MAP4K4: variants seen among roughly 807,000 people sequenced by gnomAD.
MAP4K4 encodes the protein HPK/GCK-like kinase HGK.
In MAP4K4, 38 loss-of-function variants were observed where a neutral mutation model predicts 189.6. The observed-to-expected ratio is 0.20, with a 90% CI of 0.15 to 0.26. The LOEUF (loss-of-function observed/expected upper bound fraction) is 0.26, where lower values mean the gene tolerates loss of function less well. Ranked by LOEUF, MAP4K4 falls within the 10% of genes least tolerant of loss-of-function variation. The pLI is 1.00. For synonymous variants in MAP4K4, 610 were observed against 624.3 expected (o/e 0.98, Z 0.34); for missense variants, 1,054 against 1,726.9 (o/e 0.61, Z 6.91).
chr2:101,781,358 C>A (rs1032629638), intron 2 of MAP4K4, among the ~76,000 whole-genome samples: 5 of 152,116 alleles, frequency 3.3e-5, no homozygotes, highest in East Asian at 1.9e-4. Context: ...CTTCCCTCCC[C>A]CTTTGTCTTA....
At chr2:101,828,891 A>G (rs2096484367) in intron 5 of MAP4K4, among the ~76,000 whole-genome samples, 1 of 152,210 alleles carries the variant, frequency 6.6e-6, no homozygotes, top group Non-Finnish European at 1.5e-5. Flanking sequence ...CTCATTCCAG[A>G]TACAAGGTCA....
rs535997281 is a variant in MAP4K4 at position 101,823,895 on chromosome 2, T to C, written c.181-33T>C. 4 of 1,562,908 alleles carry C rather than the reference T, an allele frequency of 2.6e-6. No homozygotes were observed. In the South Asian group the frequency reaches 4.7e-5, roughly 19 times the overall value. ...AAGTAAAGTCATTCACATCGTTCAG[T>C]AGCCACACATTTTATTTTTATTTTT... is the stretch of plus-strand genomic sequence containing the variant. On this transcript the variant is annotated intron_variant, in intron 3 of 32. Coordinates refer to ENST00000324219, the Ensembl canonical transcript of MAP4K4.
At chr2:101,819,407 A>G (rs2095906044) in intron 3 of MAP4K4, among the ~76,000 whole-genome samples, 1 of 152,220 alleles carries the variant, frequency 6.6e-6, no homozygotes. Flanking sequence ...GCCATGGCAG[A>G]TTCTGTATTT....
chr2:101,856,189 T>C, intron 13 of MAP4K4, 51 bp downstream of exon 13: 6 of 1,526,156 alleles, frequency 3.9e-6, no homozygotes, highest in Non-Finnish European at 5.3e-6. Flanking sequence ...TTTGTTACTT[T>C]GCAGAGCTGG....
At chr2:101,825,666 T>C (rs1369485448) in intron 5 of MAP4K4, among the ~76,000 whole-genome samples, 3 of 152,332 alleles carry the variant, frequency 2.0e-5, no homozygotes, top group South Asian at 4.1e-4. Flanking sequence ...GAATTTACTT[T>C]CCATGGCATC....
chr2:101,732,711 C>T (rs1574470677), intron 2 of MAP4K4, among the ~76,000 whole-genome samples: 1 of 152,194 alleles, frequency 6.6e-6, no homozygotes, highest in Non-Finnish European at 1.5e-5. Context: ...GCCTCAGCCT[C>T]CTGAGTAGCT....
intron 7 of MAP4K4, among the ~76,000 whole-genome samples, chr2:101,833,068 T>C (rs1447528571): frequency 2.0e-5 from 3 of 152,142 alleles, no homozygotes; most frequent in Non-Finnish European, 4.4e-5. Context: ...GGCCACTGGG[T>C]TAGGGTAATG....
At chr2:101,756,052 C>G (rs1282237377) in intron 2 of MAP4K4, among the ~76,000 whole-genome samples, 2 of 151,310 alleles carry the variant, frequency 1.3e-5, no homozygotes, top group East Asian at 3.9e-4. Context: ...ACCATTCTCC[C>G]GCCTCAGCCT....
chr2:101,875,518 C>T (rs2098175663), intron 26 of MAP4K4, among the ~76,000 whole-genome samples: 1 of 152,134 alleles, frequency 6.6e-6, no homozygotes, highest in African/African-American at 2.4e-5. Flanking sequence ...GCGTTGTTCT[C>T]TCAATGCCGT....
intron 2 of MAP4K4, among the ~76,000 whole-genome samples, chr2:101,702,260 A>G (rs2039267871): frequency 1.3e-5 from 2 of 152,146 alleles, no homozygotes; most frequent in South Asian, 4.1e-4. Context: ...CTGGTGTTCC[A>G]AATGTCTTGA....
chr2:101,851,180 G>T (rs894872232), intron 12 of MAP4K4, among the ~76,000 whole-genome samples: 1 of 152,152 alleles, frequency 6.6e-6, no homozygotes, highest in Non-Finnish European at 1.5e-5. Context: ...ATTTACTTAG[G>T]CACGCTTGGG....
chr2:101,874,262 T>G lies in MAP4K4; in HGVS notation c.3241+10T>G. 1 of 1,600,194 alleles carries G rather than the reference T, an allele frequency of 6.2e-7. No individual in the cohort carries two copies. Among genetic ancestry groups the G allele is most frequent in the Middle Eastern group, 1.7e-4 (1 of 6,030 alleles). The stretch of plus-strand genomic sequence containing the variant: ...TGTGCTGCCTTATGGGGTAGGTGTC[T>G]AGCCACTACTCCAACACTTTCATTT... On this transcript the variant is annotated intron_variant, in intron 26 of 32. Transcript: ENST00000324219.
chr2:101,773,727 C>T (rs868189204), intron 2 of MAP4K4, among the ~76,000 whole-genome samples: 32 of 152,180 alleles, frequency 2.1e-4, no homozygotes, highest in Non-Finnish European at 4.1e-4. Context: ...ACTAACCCCC[C>T]TCCCCAACCA....
chr2:101,802,001 C>T (rs1302944739), intron 3 of MAP4K4, among the ~76,000 whole-genome samples: 2 of 152,170 alleles, frequency 1.3e-5, no homozygotes, highest in African/African-American at 2.4e-5. Flanking sequence ...ATTGGTTCTG[C>T]CTTCAAACTA....
chr2:101,736,828 C>T lies in MAP4K4; in HGVS notation c.123+38290C>T, dbSNP rs544104466. 1.3e-4 allele frequency among the ~76,000 whole-genome samples: 20 copies of T among 152,214 alleles called. No individual in the cohort carries two copies. In the South Asian group the frequency reaches 3.5e-3, roughly 27 times the overall value. ...TTGGTACCTGGTGGATACTTAATAA[C>T]GGTTTGTTGACTGAAAGAACAGTTT... On this transcript the variant is annotated intron_variant, in intron 2 of 32. Transcript: ENST00000324219.
At chr2:101,887,422 C>G (rs2098504078) in intron 30 of MAP4K4, among the ~76,000 whole-genome samples, 185 bp downstream of exon 30, 1 of 152,192 alleles carries the variant, frequency 6.6e-6, no homozygotes, top group Non-Finnish European at 1.5e-5. Context: ...ATCCGCCTTC[C>G]TGGCTCTGTG....
rs200443244 is a variant in MAP4K4, at chr2:101,869,421, AT to A, written c.2464-189del. Among the ~76,000 whole-genome samples the A allele has an allele frequency of 4.5e-3, 633 of 141,088 alleles. 3 individuals carry two copies. The highest frequency in any genetic ancestry group is 0.014 in the African/African-American group (528 of 38,614). The allele number at this position is 141,088 out of a possible 152,430, so 92.6% of individuals were successfully genotyped here. ...CTTTGACTTTTTTTTGGTGTCTTCT[AT>A]TTTTTTTTTTTAATCTCTCTCTTGA... is the stretch of plus-strand genomic sequence containing the variant. On this transcript the variant is annotated intron_variant, in intron 21 of 32. Coordinates refer to ENST00000324219, the Ensembl canonical transcript of MAP4K4.
intron 26 of MAP4K4, among the ~76,000 whole-genome samples, chr2:101,876,151 C>T (rs921912986): frequency 1.3e-5 from 2 of 152,092 alleles, no homozygotes; most frequent in African/African-American, 2.4e-5. Context: ...GCAGCCAAGT[C>T]GCGAGGCTAG....
chr2:101,788,508 C>T (rs79950508), intron 2 of MAP4K4, among the ~76,000 whole-genome samples: 2,448 of 152,188 alleles, frequency 0.016, 74 homozygotes, highest in African/African-American at 0.056. Context: ...TAATTTTTCC[C>T]GGTACAGTGT....
Sources: allele counts gnomAD v4.1 joint callset (sites outside exome capture counted in the v4.1 genomes callset), GRCh38; gene constraint gnomAD v4.1.1; transcripts MANE v1.5; gene names NCBI Gene and HGNC (gene_info 2026-07-23, HGNC 2026-07-21).